The following RPS5 variants were observed in gnomAD, a reference collection of about 807,000 sequenced individuals.
RPS5 encodes ribosomal protein S5.
A neutral mutation model predicts 20.9 loss-of-function variants in RPS5; 2 were observed. The ratio of observed to expected loss-of-function variants is 0.10; its 90% CI spans 0.04 to 0.30. RPS5 has a LOEUF of 0.30. RPS5 is among the 10% of genes least tolerant of loss of function. RPS5 has a pLI of 1.00. For missense variants in RPS5, 122 were observed against 287.2 expected (o/e 0.42, Z 4.16); for synonymous variants, 112 against 105.8 (o/e 1.06, Z -0.36).
intron 4 of RPS5, chr19:58,393,797 C>T: frequency 3.0e-6 from 1 of 332,340 alleles, no homozygotes; most frequent in Non-Finnish European, 5.5e-6. Flanking sequence ...TTGTGTTTTC[C>T]CTGAACACTG....
intron 4 of RPS5, 180 bp from the exon 5 acceptor site, chr19:58,394,317 G>A (rs984018304): frequency 3.3e-6 from 2 of 604,456 alleles, no homozygotes; most frequent in African/African-American, 1.8e-5. Flanking sequence ...GTGTGTGTGT[G>A]TGTCTGGACA....
Position 58,393,308 on chromosome 19 carries a change from G to GGGA in RPS5, c.319-47_319-45dup, listed in dbSNP as rs756088743. Reference sequence around the variant, plus strand: ...ACTCTTGTTTTAGGTATGAGGAAAGGGGAGGAATGCATGGGGCTGGATGTC... The same window carrying GGGA: ...ACTCTTGTTTTAGGTATGAGGAAAGGGGAGGAGGAATGCATGGGGCTGGATGTC... On this transcript the variant is annotated intron_variant, in intron 3 of 5. Transcript: ENST00000196551. 3.7e-6 allele frequency: 6 copies of GGGA among 1,609,054 alleles called. No homozygotes were observed. The Admixed American group carries it at 5.0e-5, about 13-fold the overall frequency.
At chr19:58,388,068 G>C (rs1030779472) in intron 1 of RPS5, 69 bp from the exon 2 acceptor site, 9 of 1,061,514 alleles carry the variant, frequency 8.5e-6, no homozygotes, top group Non-Finnish European at 8.6e-6. Flanking sequence ...TCAGAGTTGG[G>C]AATGAGTGCG....
At chr19:58,390,220 GTCTC>G (rs1228317459) in intron 2 of RPS5, among the ~76,000 whole-genome samples, 1 of 147,918 alleles carries the variant, frequency 6.8e-6, no homozygotes, top group Non-Finnish European at 1.5e-5. Context: ...GTGAGACAGA[GTCTC>G]TCTCTGCCTC....
At chr19:58,393,224 C>T (rs989527544) in intron 3 of RPS5, 39 bp downstream of exon 3, 10 of 1,613,214 alleles carry the variant, frequency 6.2e-6, no homozygotes, top group Non-Finnish European at 8.5e-6. Flanking sequence ...GCTGTGCCCT[C>T]AGTACACCCG....
chr19:58,394,305 C>CT, intron 4 of RPS5, 192 bp from the exon 5 acceptor site: 1 of 573,588 alleles, frequency 1.7e-6, no homozygotes, highest in Non-Finnish European at 3.1e-6. Context: ...CAACTTCAGC[C>CT]TGTGTGTGTG....
intron 2 of RPS5, among the ~76,000 whole-genome samples, chr19:58,392,313 C>T (rs1279347274): frequency 6.9e-6 from 1 of 145,666 alleles, no homozygotes; most frequent in Non-Finnish European, 1.5e-5. Flanking sequence ...GACAGCAAGA[C>T]TCAGCCTCAA....
At chr19:58,394,084 AGC>A (rs900638261) in intron 4 of RPS5, 102 of 201,742 alleles carry the variant, frequency 5.1e-4, no homozygotes, top group African/African-American at 2.3e-3. Context: ...TACAGGCATG[AGC>A]CACCACACCT....
intron 2 of RPS5, 40 bp downstream of exon 2, chr19:58,388,285 G>A (rs1381781539): frequency 2.2e-6 from 3 of 1,392,668 alleles, no homozygotes; most frequent in Admixed American, 1.8e-5. Flanking sequence ...GGCTGGGGGC[G>A]GACATTATTC....
intron 1 of RPS5, 106 bp from the exon 2 acceptor site, chr19:58,388,031 C>A (rs2052338076): frequency 4.2e-6 from 3 of 718,184 alleles, no homozygotes; most frequent in Admixed American, 2.3e-5. Flanking sequence ...TGCGACCCCC[C>A]AGTTCATCAC....
chr19:58,388,040 A>C, intron 1 of RPS5, 97 bp from the exon 2 acceptor site: 1 of 780,772 alleles, frequency 1.3e-6, no homozygotes, highest in Middle Eastern at 3.5e-4. Context: ...CCAGTTCATC[A>C]CTAGATGGCG....
At position 58,387,998 on chromosome 19, in the gene RPS5, G is replaced by A. The variant is rs78475971; in HGVS notation, c.-1-139G>A. The A allele has an allele frequency of 6.5e-3, 4,011 of 620,848 alleles. 134 individuals are homozygous for A. In the African/African-American group the frequency reaches 0.066, roughly 10 times the overall value. 38.5% of individuals were successfully genotyped at this position (620,848 alleles called of 1,614,324 possible). A position where few individuals can be genotyped will look rare whatever the true frequency, so the allele number is the denominator to read the frequency against. ...TAATTTTTCTAGTGCTTGAAAACAC[G>A]TTCACGGCCTTTCTTGGTCCTTTGC... On this transcript the variant is annotated intron_variant, in intron 1 of 5. Coordinates refer to ENST00000196551, the MANE Select transcript of RPS5 (RefSeq NM_001009.4).
chr19:58,391,587 A>T (rs73060258), intron 2 of RPS5, among the ~76,000 whole-genome samples: 1 of 150,512 alleles, frequency 6.6e-6, no homozygotes, highest in Non-Finnish European at 1.5e-5. Flanking sequence ...TGGGTGACAG[A>T]GTGAGACTCC....
chr19:58,394,493 C>T lies in RPS5; in HGVS notation c.448-4C>T. 1 of 1,613,804 alleles carries T rather than the reference C, an allele frequency of 6.2e-7. No homozygotes were observed. The highest frequency in any genetic ancestry group is 8.5e-7 in the Non-Finnish European group (1 of 1,179,890). On this transcript the variant is annotated splice_region_variant and splice_polypyrimidine_tract_variant and intron_variant, in intron 4 of 5. Coordinates refer to ENST00000196551, the MANE Select transcript of RPS5 (RefSeq NM_001009.4). ...TTCTAGCCTGACCCCTGCTGTCTTC[C>T]TAGGCCATCTGGCTGCTGTGCACAG... is the stretch of plus-strand genomic sequence containing the variant.
chr19:58,387,736 A>G (rs895084806), intron 1 of RPS5: 3 of 244,682 alleles, frequency 1.2e-5, no homozygotes, highest in African/African-American at 4.5e-5. Flanking sequence ...TTGATGTCAT[A>G]TAACGGTCCC....
chr19:58,393,561 A>G (rs1030302504), intron 4 of RPS5, 74 bp downstream of exon 4: 1 of 1,543,188 alleles, frequency 6.5e-7, no homozygotes, highest in Non-Finnish European at 8.7e-7. Flanking sequence ...CTGGGGCAGG[A>G]AGGCTCCTCT....
Position 58,393,347 on chromosome 19 carries a change from C to CCTTCT in RPS5, c.319-9_319-5dup. On this transcript the variant is annotated splice_polypyrimidine_tract_variant and intron_variant, in intron 3 of 5. Coordinates refer to ENST00000196551, the MANE Select transcript of RPS5 (RefSeq NM_001009.4). ...GGGCTGGATGTCAGGCTCATATCCC[C>CCTTCT]CTTCTCTCTAGAACCCTCTGCAGGT... The CCTTCT allele has an allele frequency of 3.1e-6, 5 of 1,613,362 alleles. No homozygotes were observed. The highest frequency in any genetic ancestry group is 4.2e-6 in the Non-Finnish European group (5 of 1,179,426).
intron 2 of RPS5, among the ~76,000 whole-genome samples, chr19:58,389,242 T>G (rs986447980): frequency 6.6e-6 from 1 of 152,182 alleles, no homozygotes; most frequent in African/African-American, 2.4e-5. Context: ...GGGTTGCACT[T>G]TATTCACTTT....
Position 58,393,345 on chromosome 19 carries a change from C to A in RPS5, c.319-14C>A. On this transcript the variant is annotated splice_polypyrimidine_tract_variant and intron_variant, in intron 3 of 5. Coordinates refer to ENST00000196551, the MANE Select transcript of RPS5 (RefSeq NM_001009.4). ...TGGGGCTGGATGTCAGGCTCATATCCCCCTTCTCTCTAGAACCCTCTGCAG... is the reference window on the plus strand; with the variant it reads ...TGGGGCTGGATGTCAGGCTCATATCACCCTTCTCTCTAGAACCCTCTGCAG... 1 of 1,613,176 alleles carries A rather than the reference C, an allele frequency of 6.2e-7. No homozygotes were observed.
Sources: gnomAD v4.1 joint callset for allele counts (sites outside exome capture counted in the v4.1 genomes callset) on GRCh38, gnomAD v4.1.1 for gene constraint, MANE v1.5 for transcripts, NCBI Gene and HGNC (gene_info 2026-07-23, HGNC 2026-07-21) for gene names.